TTC39A: variants seen among roughly 807,000 people sequenced by gnomAD.
The protein encoded by TTC39A is tetratricopeptide repeat protein 39A.
In TTC39A, 46 loss-of-function variants were observed where a neutral mutation model predicts 82.3. The observed-to-expected ratio is 0.56, with a 90% CI of 0.44 to 0.71. The LOEUF is 0.71. TTC39A is among the 30% of genes least tolerant of loss of function. The pLI is 0.00. For synonymous variants in TTC39A, 254 were observed against 275.2 expected (o/e 0.92, Z 0.76); for missense variants, 543 against 712.9 (o/e 0.76, Z 2.71).
chr1:51,291,628 CAAAAAAAAAAAAAA>C (rs58825279), intron 14 of TTC39A, among the ~76,000 whole-genome samples: 6 of 49,952 alleles, frequency 1.2e-4, no homozygotes, highest in African/African-American at 1.6e-4. Flanking sequence ...CCATCTCCAC[CAAAAAAAAAAAAAA>C]AAAAAAAAAA....
At chr1:51,333,273 A>G (rs1349771099), upstream of TTC39A, among the ~76,000 whole-genome samples, 1 of 151,576 alleles carries the variant, frequency 6.6e-6, no homozygotes, top group Non-Finnish European at 1.5e-5. Context: ...TAAGTTGTAT[A>G]TGAAACACAA....
Position 51,302,248 on chromosome 1 carries a change from C to T in TTC39A, c.891+109G>A, listed in dbSNP as rs570830040. 3.8e-5 allele frequency: 22 copies of T among 574,670 alleles called. 2 individuals are homozygous for T. The highest frequency in any genetic ancestry group is 6.7e-5 in the Admixed American group (3 of 44,648). The allele number at this position is 574,670 out of a possible 1,614,324, so 35.6% of individuals were successfully genotyped here. A position where few individuals can be genotyped will look rare whatever the true frequency, so the allele number is the denominator to read the frequency against. On this transcript the variant is annotated intron_variant, in intron 11 of 17. Coordinates refer to ENST00000680483, the MANE Select transcript of TTC39A (RefSeq NM_001297663.2). ...TGGTTGGTTCTCTCTTGGCCCCCCC[C>T]CCGCCCCCAGTCTATCCTGTCCCTG...
chr1:51,329,425 C>T (rs918948275), intron 1 of TTC39A, among the ~76,000 whole-genome samples: 2 of 152,168 alleles, frequency 1.3e-5, no homozygotes, highest in Non-Finnish European at 2.9e-5. Context: ...AGTCACACAA[C>T]AAAAATGATG....
chr1:51,302,206 C>T (rs777244749), intron 11 of TTC39A, 151 bp downstream of exon 11: 327 of 988,574 alleles, frequency 3.3e-4, no homozygotes, highest in Non-Finnish European at 4.5e-4. Context: ...AGAAGGGCCT[C>T]TCCTGCCCCT....
At chr1:51,345,098 C>CGGCCGT (rs1646082386) in exon 1 of TTC39A, 1 of 1,260,608 alleles carries the variant, frequency 7.9e-7, no homozygotes, top group South Asian at 2.7e-5. Flanking sequence ...GCGGCGGCGG[C>CGGCCGT]GGCCGTGGAG....
chr1:51,341,319 AAGC>A (rs1273592470), intron 1 of TTC39A, among the ~76,000 whole-genome samples: 2 of 151,990 alleles, frequency 1.3e-5, no homozygotes, highest in Non-Finnish European at 2.9e-5. Context: ...CTGAGTGGAG[AAGC>A]AGGTGAGCAT....
At chr1:51,320,823 C>T (rs1331150207) in intron 2 of TTC39A, among the ~76,000 whole-genome samples, 1 of 149,570 alleles carries the variant, frequency 6.7e-6, no homozygotes, top group Non-Finnish European at 1.5e-5. Context: ...GGAGGTGGGG[C>T]AGGGGTGTAA....
chr1:51,338,081 C>T (rs905319775), intron 1 of TTC39A, among the ~76,000 whole-genome samples: 5 of 152,082 alleles, frequency 3.3e-5, no homozygotes, highest in African/African-American at 7.2e-5. Context: ...GCTGCCTAAA[C>T]GAATTTACTT....
intron 5 of TTC39A, among the ~76,000 whole-genome samples, chr1:51,309,955 G>A (rs576298131): frequency 4.3e-4 from 66 of 152,098 alleles, no homozygotes; most frequent in African/African-American, 1.5e-3. Flanking sequence ...CAAAACCAAC[G>A]GAAATATCAC....
In TTC39A at chr1:51,301,752, C is replaced by A; in HGVS notation, c.892-19G>T. The A allele has an allele frequency of 6.3e-7, 1 of 1,596,236 alleles. No individual in the cohort carries two copies. The highest frequency in any genetic ancestry group is 1.1e-5 in the South Asian group (1 of 90,810). On this transcript the variant is annotated intron_variant, in intron 11 of 17. Transcript: ENST00000680483. ...GGATGGCCTGCAGGCACCTTCTGGT[C>A]AGCCTGACGGGTGCCCACCCAGCCC...
chr1:51,320,216 T>C (rs1645445617), intron 2 of TTC39A, among the ~76,000 whole-genome samples: 1 of 152,084 alleles, frequency 6.6e-6, no homozygotes, highest in Non-Finnish European at 1.5e-5. Context: ...AACGATAGGA[T>C]GATCTGATGG....
intron 1 of TTC39A, among the ~76,000 whole-genome samples, chr1:51,336,377 A>C (rs1180439869): frequency 2.0e-5 from 3 of 151,916 alleles, no homozygotes; most frequent in Non-Finnish European, 2.9e-5. Flanking sequence ...TCTTCCCACC[A>C]GATATAAAGG....
intron 6 of TTC39A, 33 bp from the exon 7 acceptor site, chr1:51,306,109 C>G: frequency 1.7e-5 from 25 of 1,472,334 alleles, no homozygotes; most frequent in African/African-American, 2.8e-5. Context: ...GTTTCAGCCA[C>G]TGCTGGGGGT....
intron 9 of TTC39A, 114 bp from the exon 10 acceptor site, chr1:51,302,687 G>A (rs1301140304): frequency 2.0e-5 from 23 of 1,136,054 alleles, no homozygotes; most frequent in Admixed American, 4.0e-5. Flanking sequence ...CTGTGAAATC[G>A]AGATAATTCT....
At chr1:51,327,315 C>T (rs569014763) in intron 1 of TTC39A, among the ~76,000 whole-genome samples, 10 of 152,310 alleles carry the variant, frequency 6.6e-5, no homozygotes, top group Non-Finnish European at 1.0e-4. Context: ...TTTGGCTCAA[C>T]GAGTAAAATA....
intron 1 of TTC39A, among the ~76,000 whole-genome samples, chr1:51,325,086 C>G (rs1384011930): frequency 1.3e-5 from 2 of 151,718 alleles, no homozygotes; most frequent in Non-Finnish European, 2.9e-5. Flanking sequence ...GAAACCCCGC[C>G]TCTACTAAAA....
rs1454043831 is a variant in TTC39A at position 51,305,248 on chromosome 1, G to A, written c.589-102C>T. On this transcript the variant is annotated intron_variant, in intron 7 of 17. Transcript: ENST00000680483. ...CTCTTTAACAGGCTTTACCTGGAGGGGAGAGGGCCACCCCTCTAACTTTGA... is the reference window on the plus strand; with the variant it reads ...CTCTTTAACAGGCTTTACCTGGAGGAGAGAGGGCCACCCCTCTAACTTTGA... The A allele has an allele frequency of 1.3e-5, 15 of 1,159,510 alleles. No homozygotes were observed. The East Asian group carries it at 3.6e-4, about 28-fold the overall frequency. 71.8% of individuals were successfully genotyped at this position (1,159,510 alleles called of 1,614,324 possible). A position where few individuals can be genotyped will look rare whatever the true frequency, so the allele number is the denominator to read the frequency against.
chr1:51,343,866 C>T (rs1396430614), intron 1 of TTC39A, among the ~76,000 whole-genome samples: 1 of 152,160 alleles, frequency 6.6e-6, no homozygotes, highest in African/African-American at 2.4e-5. Context: ...GCGATCCTCC[C>T]GCTGGGATTA....
At chr1:51,302,693 A>G (rs1205439488) in intron 9 of TTC39A, 120 bp from the exon 10 acceptor site, 3 of 1,074,950 alleles carry the variant, frequency 2.8e-6, no homozygotes, top group African/African-American at 1.6e-5. Context: ...AATCGAGATA[A>G]TTCTCCCTGT....
Sources: gnomAD v4.1 joint callset for allele counts (sites outside exome capture counted in the v4.1 genomes callset) on GRCh38, gnomAD v4.1.1 for gene constraint, MANE v1.5 for transcripts, NCBI Gene and HGNC (gene_info 2026-07-23, HGNC 2026-07-21) for gene names.